Variants in RBCK1 observed in about 807,000 individuals in gnomAD.
RBCK1 encodes RANBP2-type and C3HC4-type zinc finger containing 1.
In RBCK1, 44 loss-of-function variants were observed where a neutral mutation model predicts 71.1. The observed-to-expected ratio is 0.62, with a 90% CI of 0.49 to 0.80. The LOEUF is 0.80. Ranked by LOEUF, RBCK1 falls within the 30% of genes least tolerant of loss-of-function variation. The pLI is 0.00. For synonymous variants in RBCK1, 306 were observed against 279.7 expected (o/e 1.09, Z -0.94); for missense variants, 569 against 685.0 (o/e 0.83, Z 1.89).
intron 2 of RBCK1, among the ~76,000 whole-genome samples, chr20:411,579 G>A (rs1221206184): frequency 2.0e-5 from 3 of 152,120 alleles, no homozygotes; most frequent in Non-Finnish European, 2.9e-5. Flanking sequence ...GTGTTAACCA[G>A]GATGGTCTCC....
chr20:417,378 C>T lies in RBCK1; in HGVS notation c.168-148C>T. On this transcript the variant is annotated intron_variant, in intron 2 of 11. Coordinates refer to ENST00000356286, the MANE Select transcript of RBCK1 (RefSeq NM_031229.4). This position sits in a 1 kb window ranked among gnomAD's most constrained non-coding sequence, Gnocchi z 4.7. ...ATAAAGGAAGAAGCATGGGTGGGGC[C>T]TACCCCAGACTGGGGTTTGTGTGTG... 3.8e-6 allele frequency: 3 copies of T among 789,736 alleles called. No individual in the cohort carries two copies. Among genetic ancestry groups the T allele is most frequent in the South Asian group, 1.4e-5 (1 of 71,472 alleles). The allele number at this position is 789,736 out of a possible 1,614,324, so 48.9% of individuals were successfully genotyped here. A position where few individuals can be genotyped will look rare whatever the true frequency, so the allele number is the denominator to read the frequency against.
intron 6 of RBCK1, chr20:420,461 G>A (rs1277720220): frequency 2.1e-6 from 2 of 946,806 alleles, no homozygotes; most frequent in African/African-American, 2.4e-5. Flanking sequence ...CACCCCTGAC[G>A]TTGAGTGGCT....
rs1232320046 is a variant in RBCK1, at chr20:431,658, G to A, written c.*1228G>A. Among the ~76,000 whole-genome samples the A allele has an allele frequency of 6.6e-6, 1 of 152,214 alleles. No homozygotes were observed. Among genetic ancestry groups the A allele is most frequent in the Non-Finnish European group, 1.5e-5 (1 of 68,034 alleles). ...AGCAACTGGAAAGGCACTGCCACCT[G>A]CCGTTGGATGCCAGGACTCAAGAGC... On this transcript the variant is annotated 3_prime_UTR_variant, in exon 12 of 12. Transcript: ENST00000356286. The surrounding 1 kb of genome is among the most constrained non-coding windows in gnomAD (Gnocchi z 4.8).
At chr20:429,457 C>T (rs947185449) in intron 11 of RBCK1, among the ~76,000 whole-genome samples, 34 of 152,020 alleles carry the variant, frequency 2.2e-4, no homozygotes, top group African/African-American at 7.5e-4. Flanking sequence ...AATTCCCGAC[C>T]GCAGGTGATC....
intron 2 of RBCK1, among the ~76,000 whole-genome samples, chr20:413,018 G>A (rs2015792816): frequency 6.6e-6 from 1 of 152,122 alleles, no homozygotes; most frequent in Admixed American, 6.5e-5. Context: ...ATATTGAGTT[G>A]TGCCGGCACT....
In RBCK1 at chr20:429,094, G is replaced by A. The variant is rs780470011; in HGVS notation, c.1452G>A (p.Gly484=). The A allele has an allele frequency of 1.9e-6, 3 of 1,611,084 alleles. No individual in the cohort carries two copies. Among genetic ancestry groups the A allele is most frequent in the Non-Finnish European group, 2.5e-6 (3 of 1,178,520 alleles). The part of the protein sequence containing the change: ...WVTKGPRWGP[G]GPGDTSGGCR... The stretch of plus-strand genomic sequence containing the variant: ...CCAAGGGCCCACGCTGGGGCCCTGG[G>A]GTGAGTCTTTGCTCGTGGTGGTGTG... Residue 484 remains glycine, a splice_region_variant and synonymous_variant, in exon 11 of 12, where the codon GGG becomes GGA. Coordinates refer to ENST00000356286, the MANE Select transcript of RBCK1 (RefSeq NM_031229.4).
At position 417,845 on chromosome 20, in the gene RBCK1, T is replaced by C. The variant is rs890912186; in HGVS notation, c.375T>C (p.Ser125=). ...ATGGGGTGCGGCAGAATGGGGACAG[T>C]GCCTACCTCTATCTGCTGTCAGCCC... ...HSHGVRQNGD[S]AYLYLLSARN... The change falls in exon 4 of 12, where the codon AGT becomes AGC. Residue 125 remains serine (S), a synonymous_variant. Coordinates refer to ENST00000356286, the MANE Select transcript of RBCK1 (RefSeq NM_031229.4). The surrounding 1 kb of genome is among the most constrained non-coding windows in gnomAD (Gnocchi z 4.7). 4.3e-6 allele frequency: 7 copies of C among 1,613,840 alleles called. No homozygotes were observed. In the African/African-American group the frequency reaches 9.3e-5, roughly 22 times the overall value.
At position 419,689 on chromosome 20, in the gene RBCK1, G is replaced by C; in HGVS notation, c.714G>C (p.Ala238=). The C allele has an allele frequency of 6.3e-7, 1 of 1,575,380 alleles. No homozygotes were observed. Among genetic ancestry groups the C allele is most frequent in the Non-Finnish European group, 8.6e-7 (1 of 1,163,806 alleles). Residue 238 remains alanine (A), a synonymous_variant, in exon 6 of 12, where the codon GCG becomes GCC. Transcript: ENST00000356286. ...ACCAGCCCGACGAGGAGGAGCGAGCGCGCCTGGCGGGCGAGGAGGAGGCGC... is the reference window on the plus strand; with the variant it reads ...ACCAGCCCGACGAGGAGGAGCGAGCCCGCCTGGCGGGCGAGGAGGAGGCGC... ...ASYQPDEEER[A]RLAGEEEALR...
At chr20:423,253 C>T (rs59905706) in intron 8 of RBCK1, among the ~76,000 whole-genome samples, 7,577 of 151,044 alleles carry the variant, frequency 0.05, 277 homozygotes, top group East Asian at 0.14. Flanking sequence ...GAACTGAGAT[C>T]GCGCCATTGC....
intron 4 of RBCK1, among the ~76,000 whole-genome samples, chr20:418,814 T>TA (rs537903779): frequency 5.6e-4 from 86 of 152,364 alleles, no homozygotes; most frequent in African/African-American, 1.9e-3. Context: ...TTTCTTACAT[T>TA]ACTGGGTATA....
Position 431,446 on chromosome 20 carries a change from G to A in RBCK1, c.*1016G>A, listed in dbSNP as rs1001630791. On this transcript the variant is annotated 3_prime_UTR_variant, in exon 12 of 12. Coordinates refer to ENST00000356286, the MANE Select transcript of RBCK1 (RefSeq NM_031229.4). The surrounding 1 kb of genome is among the most constrained non-coding windows in gnomAD (Gnocchi z 4.8). ...CTCTGTGCTGGTCGGAGGTTACTAA[G>A]ACAGGGTCCTGGGATGTTCATTCTC... Among the ~76,000 whole-genome samples the A allele has an allele frequency of 1.2e-4, 18 of 152,208 alleles. No individual in the cohort carries two copies. The highest frequency in any genetic ancestry group is 2.1e-4 in the Non-Finnish European group (14 of 68,034).
At chr20:420,464 G>GA in intron 6 of RBCK1, 1 of 945,496 alleles carries the variant, frequency 1.1e-6, no homozygotes, top group African/African-American at 2.4e-5. Flanking sequence ...CCCTGACGTT[G>GA]AGTGGCTCCA....
At chr20:421,891 C>T (rs2016458745) in intron 7 of RBCK1, 1 of 519,616 alleles carries the variant, frequency 1.9e-6, no homozygotes, top group Non-Finnish European at 3.4e-6. Context: ...CTCCTGGAGT[C>T]ACCCAGGTGG....
At chr20:420,601 C>T (rs982975674) in intron 6 of RBCK1, 53 of 977,450 alleles carry the variant, frequency 5.4e-5, no homozygotes, top group Non-Finnish European at 6.2e-5. Context: ...CCTCCCCTCC[C>T]TTGGCTTCCC....
chr20:421,095 G>A, intron 7 of RBCK1, 64 bp downstream of exon 7: 1 of 1,464,898 alleles, frequency 6.8e-7, no homozygotes, highest in Non-Finnish European at 9.1e-7. Context: ...ACGCAGGGCT[G>A]GACGTGGGTG....
chr20:423,755 G>T (rs189170438), intron 8 of RBCK1, among the ~76,000 whole-genome samples: 19 of 152,264 alleles, frequency 1.2e-4, no homozygotes, highest in African/African-American at 4.6e-4. Context: ...ATTTGGGCTG[G>T]ACTTACCTGG....
chr20:424,130 C>T (rs143497465), intron 8 of RBCK1, among the ~76,000 whole-genome samples: 3 of 152,322 alleles, frequency 2.0e-5, no homozygotes, highest in East Asian at 1.9e-4. Context: ...GTCACCACTC[C>T]GCCAGTCTGT....
intron 11 of RBCK1, 67 bp downstream of exon 11, chr20:429,161 GA>G: frequency 6.5e-7 from 1 of 1,540,694 alleles, no homozygotes; most frequent in Admixed American, 2.0e-5. Flanking sequence ...GGAGGGCTGG[GA>G]AAACTACAGC....
rs2016259656 is a variant in RBCK1, at chr20:419,715, T to G, written c.740T>G (p.Leu247Arg). The G allele has an allele frequency of 6.4e-7, 1 of 1,562,578 alleles. No homozygotes were observed. The highest frequency in any genetic ancestry group is 8.6e-7 in the Non-Finnish European group (1 of 1,157,734). ...CGCCTGGCGGGCGAGGAGGAGGCGC[T>G]GCGTCAGTACCAGCAGGTGGGCGGG... ...RARLAGEEEA[L>R]RQYQQRKQQQ... Residue 247 changes from leucine to arginine, a missense_variant, in exon 6 of 12, where the codon CTG becomes CGG. Physicochemically the swap from Leu to Arg is moderately radical, Grantham distance 102. Coordinates refer to ENST00000356286, the MANE Select transcript of RBCK1 (RefSeq NM_031229.4).
Sources: gnomAD v4.1 joint callset for allele counts (sites outside exome capture counted in the v4.1 genomes callset) on GRCh38, gnomAD v4.1.1 for gene constraint, Gnocchi (gnomAD v3.1) non-coding constraint, MANE v1.5 for transcripts, NCBI Gene and HGNC (gene_info 2026-07-23, HGNC 2026-07-21) for gene names.